Variants in ERBB4 observed in about 807,000 individuals in gnomAD.
ERBB4 encodes erb-b2 receptor tyrosine kinase 4, also known as receptor tyrosine-protein kinase erbB-4.
A neutral mutation model predicts 158.0 loss-of-function variants in ERBB4; 42 were observed. The observed-to-expected ratio is 0.27, with a 90% CI of 0.21 to 0.34. ERBB4 has a LOEUF of 0.34. Ranked by LOEUF, ERBB4 falls within the 10% of genes least tolerant of loss-of-function variation. ERBB4 has a pLI of 1.00. For synonymous variants in ERBB4, 583 were observed against 558.7 expected (o/e 1.04, Z -0.61); for missense variants, 1,333 against 1,624.1 (o/e 0.82, Z 3.08).
At chr2:212,169,117 T>C (rs141125783) in intron 1 of ERBB4, among the ~76,000 whole-genome samples, 1 of 152,298 alleles carries the variant, frequency 6.6e-6, no homozygotes, top group East Asian at 1.9e-4. Flanking sequence ...ATTTATTATC[T>C]AAAAGACTTT....
chr2:212,335,532 AC>A (rs756419883), intron 1 of ERBB4, among the ~76,000 whole-genome samples: 9 of 152,132 alleles, frequency 5.9e-5, no homozygotes, highest in East Asian at 3.9e-4. Flanking sequence ...TTGTTAAGTT[AC>A]CCATAAGAAG....
chr2:211,933,912 G>A lies in ERBB4; in HGVS notation c.421+13518C>T, dbSNP rs73077380. Among the ~76,000 whole-genome samples, 1,077 of 151,958 alleles carry A rather than the reference G, an allele frequency of 7.1e-3. 18 individuals carry two copies. Among genetic ancestry groups the A allele is most frequent in the African/African-American group, 0.025 (1,018 of 41,484 alleles). Reference sequence around the variant, plus strand: ...GTGTAGTGTATTCTTTGATGTCTAAGTCTGAAATATACTTGTTTCAATAAA... The same window carrying A: ...GTGTAGTGTATTCTTTGATGTCTAAATCTGAAATATACTTGTTTCAATAAA... On this transcript the variant is annotated intron_variant, in intron 3 of 27. Transcript: ENST00000342788.
intron 2 of ERBB4, among the ~76,000 whole-genome samples, chr2:212,103,684 C>T (rs942326333): frequency 2.0e-5 from 3 of 151,410 alleles, no homozygotes; most frequent in African/African-American, 7.3e-5. Flanking sequence ...GGGAAGACTG[C>T]CCTTTCTCCG....
At chr2:212,532,104 T>TTTATGTGTCAGTGGG (rs1166103588) in intron 1 of ERBB4, among the ~76,000 whole-genome samples, 1 of 152,224 alleles carries the variant, frequency 6.6e-6, no homozygotes, top group African/African-American at 2.4e-5. Context: ...TCCTTATTTT[T>TTTATGTGTCAGTGGG]TTATGTGTCA....
chr2:212,444,005 G>A (rs1209340045), intron 1 of ERBB4, among the ~76,000 whole-genome samples: 3 of 152,028 alleles, frequency 2.0e-5, no homozygotes, highest in Admixed American at 6.6e-5. Context: ...ATCACCAAAC[G>A]GAAGTGGTAT....
chr2:211,931,215 C>T (rs1218577970), intron 3 of ERBB4, among the ~76,000 whole-genome samples: 2 of 151,976 alleles, frequency 1.3e-5, no homozygotes, highest in African/African-American at 2.4e-5. Flanking sequence ...CTTTGTTTTG[C>T]TATTATTTAG....
At chr2:212,451,348 T>C (rs1338113192) in intron 1 of ERBB4, among the ~76,000 whole-genome samples, 6 of 152,214 alleles carry the variant, frequency 3.9e-5, no homozygotes, top group African/African-American at 1.2e-4. Context: ...AATCATAAAC[T>C]ACTTGTTAAG....
At chr2:212,288,879 A>T (rs536269144) in intron 1 of ERBB4, among the ~76,000 whole-genome samples, 7 of 152,152 alleles carry the variant, frequency 4.6e-5, no homozygotes, top group Admixed American at 3.9e-4. Context: ...CTATTGTGCT[A>T]TCAAATGCAA....
At chr2:211,802,746 C>G (rs1000296501) in intron 3 of ERBB4, among the ~76,000 whole-genome samples, 8 of 152,248 alleles carry the variant, frequency 5.3e-5, no homozygotes, top group Admixed American at 2.0e-4. Flanking sequence ...GCTATTTCCC[C>G]GCTTCAAAGC....
intron 2 of ERBB4, among the ~76,000 whole-genome samples, chr2:211,980,284 G>GA (rs910702100): frequency 6.6e-6 from 1 of 152,158 alleles, no homozygotes; most frequent in Non-Finnish European, 1.5e-5. Context: ...TAACATTCTA[G>GA]AAAATTGCCA....
chr2:211,565,565 T>C (rs958361184), intron 19 of ERBB4, among the ~76,000 whole-genome samples: 4 of 152,172 alleles, frequency 2.6e-5, no homozygotes, highest in African/African-American at 9.7e-5. Context: ...CTTGTCAAAG[T>C]ATTTCACTTT....
chr2:212,378,267 A>G (rs1243994609), intron 1 of ERBB4, among the ~76,000 whole-genome samples: 2 of 151,856 alleles, frequency 1.3e-5, no homozygotes, highest in Non-Finnish European at 2.9e-5. Context: ...CTTTGAACAG[A>G]ATACTGTTCT....
chr2:211,574,407 G>A (rs560126990), intron 19 of ERBB4, among the ~76,000 whole-genome samples: 50 of 152,308 alleles, frequency 3.3e-4, no homozygotes, highest in African/African-American at 1.2e-3. Flanking sequence ...TTAACAAAAA[G>A]TAATCACAAT....
At chr2:211,590,290 A>G (rs892061408) in intron 19 of ERBB4, among the ~76,000 whole-genome samples, 1 of 152,222 alleles carries the variant, frequency 6.6e-6, no homozygotes, top group Non-Finnish European at 1.5e-5. Flanking sequence ...TAAAACAAAG[A>G]CGATAATGGC....
At position 211,811,183 on chromosome 2, in the gene ERBB4, T is replaced by G. The variant is rs2076747019; in HGVS notation, c.422-23024A>C. On this transcript the variant is annotated intron_variant, in intron 3 of 27. Coordinates refer to ENST00000342788, the MANE Select transcript of ERBB4 (RefSeq NM_005235.3). ...TTCCTTTCCATGTTTAGGGCTTCCT[T>G]CAGGAGCTCTTGTAAGACAGGCCTG... Among the ~76,000 whole-genome samples, 5 of 152,304 alleles carry G rather than the reference T, an allele frequency of 3.3e-5. No homozygotes were observed. In the South Asian group the frequency reaches 1.0e-3, roughly 32 times the overall value.
intron 1 of ERBB4, among the ~76,000 whole-genome samples, chr2:212,356,970 T>C (rs969997620): frequency 1.3e-5 from 2 of 151,974 alleles, no homozygotes; most frequent in Admixed American, 6.6e-5. Flanking sequence ...ATTATCATTT[T>C]AAAGGATTTT....
intron 2 of ERBB4, among the ~76,000 whole-genome samples, chr2:211,948,549 A>G (rs1367379326): frequency 6.6e-6 from 1 of 151,350 alleles, no homozygotes; most frequent in Non-Finnish European, 1.5e-5. Context: ...TAATAAGTTA[A>G]TTATTTGAGG....
chr2:211,673,927 G>C (rs2071952439), intron 13 of ERBB4, among the ~76,000 whole-genome samples: 1 of 152,102 alleles, frequency 6.6e-6, no homozygotes, highest in Non-Finnish European at 1.5e-5. Context: ...AAAAGACACA[G>C]TTTAATGGTA....
chr2:212,392,178 A>G (rs1268048592), intron 1 of ERBB4, among the ~76,000 whole-genome samples: 1 of 151,928 alleles, frequency 6.6e-6, no homozygotes, highest in African/African-American at 2.4e-5. Context: ...CCATAAGACT[A>G]CTCAGAGTGA....
Sources: allele counts gnomAD v4.1 joint callset (sites outside exome capture counted in the v4.1 genomes callset), GRCh38; gene constraint gnomAD v4.1.1; transcripts MANE v1.5; gene names NCBI Gene and HGNC (gene_info 2026-07-23, HGNC 2026-07-21).